The following DCAF5 variants were observed in gnomAD, a reference collection of about 807,000 sequenced individuals.
The protein encoded by DCAF5 is DDB1 and CUL4 associated factor 5, also known as DDB1- and CUL4-associated factor 5.
In DCAF5, 9 loss-of-function variants were observed where a neutral mutation model predicts 80.7. The observed-to-expected ratio is 0.11, with a 90% confidence interval of 0.07 to 0.19. DCAF5 has a LOEUF of 0.19. Ranked by LOEUF, DCAF5 falls within the 10% of genes least tolerant of loss-of-function variation. DCAF5 has a pLI of 1.00. For missense variants in DCAF5, 842 were observed against 1,205.7 expected, an observed-to-expected ratio of 0.70 and a Z score of 4.47; for synonymous variants, 433 against 461.9, an observed-to-expected ratio of 0.94 and a Z score of 0.80.
At chr14:69,097,352 G>T (rs2139989151) in intron 5 of DCAF5, among the ~76,000 whole-genome samples, 1 of 152,174 alleles carries the variant, frequency 6.6e-6, no homozygotes, top group Middle Eastern at 3.4e-3. Flanking sequence ...ATCACCTCTA[G>T]TTGGCAATAA....
intron 1 of DCAF5, among the ~76,000 whole-genome samples, chr14:69,124,468 T>C (rs2040817289): frequency 6.6e-6 from 1 of 152,172 alleles, no homozygotes; most frequent in East Asian, 1.9e-4. Flanking sequence ...AGAAAGAAAT[T>C]GTCTTTGCTA....
At chr14:69,138,962 A>T (rs2041271421) in intron 1 of DCAF5, among the ~76,000 whole-genome samples, 1 of 152,186 alleles carries the variant, frequency 6.6e-6, no homozygotes, top group African/African-American at 2.4e-5. Context: ...CCTGGGCAAC[A>T]TGGTAAGACC....
At chr14:69,102,591 G>GACACACACACACATACACAC (rs1555374295) in intron 5 of DCAF5, among the ~76,000 whole-genome samples, 24 of 124,878 alleles carry the variant, frequency 1.9e-4, no homozygotes, top group African/African-American at 6.5e-4. Flanking sequence ...TAAAAACAAA[G>GACACACACACACATACACAC]ACACACACAC....
At chr14:69,085,370 G>A (rs1260989625) in intron 6 of DCAF5, 14 of 616,840 alleles carry the variant, frequency 2.3e-5, no homozygotes, top group African/African-American at 5.6e-5. Flanking sequence ...ACATCCAACC[G>A]CAGGCAGTTC....
chr14:69,054,215 C>A lies in DCAF5; in HGVS notation c.2471G>T (p.Ser824Ile). 6.2e-7 allele frequency: 1 copy of A among 1,614,244 alleles called. No homozygotes were observed. Among genetic ancestry groups the A allele is most frequent in the Non-Finnish European group, 8.5e-7 (1 of 1,180,050 alleles). The part of the protein sequence containing the change: ...RTQSDDSEER[S>I]LETICANHNN... ...GTGGTTGGCACAGATGGTTTCGAGG[C>A]TCCTCTCCTCACTGTCATCAGACTG... is the stretch of plus-strand genomic sequence containing the variant. The change falls in exon 9 of 9, where the codon AGC becomes ATC. Residue 824 changes from serine to isoleucine, a missense_variant. Physicochemically the swap from Ser to Ile is moderately radical, Grantham distance 142 (BLOSUM62 -2). Coordinates refer to ENST00000341516, the MANE Select transcript of DCAF5 (RefSeq NM_003861.3).
chr14:69,116,237 T>G, intron 5 of DCAF5, 129 bp downstream of exon 5: 1 of 1,128,768 alleles, frequency 8.9e-7, no homozygotes, highest in Non-Finnish European at 1.3e-6. Flanking sequence ...TGAGAGACAC[T>G]ATATATCTTA....
intron 5 of DCAF5, among the ~76,000 whole-genome samples, chr14:69,108,019 GA>G (rs1457111977): frequency 2.0e-5 from 3 of 152,214 alleles, no homozygotes; most frequent in Non-Finnish European, 4.4e-5. Context: ...TGGGCACTGG[GA>G]AGGAAATCAA....
In DCAF5 at chr14:69,119,016, C is replaced by G. The variant is rs1040962079; in HGVS notation, c.395+178G>C. The G allele has an allele frequency of 5.0e-6, 3 of 599,286 alleles. No individual in the cohort carries two copies. In the Admixed American group the frequency reaches 1.1e-4, roughly 22 times the overall value. The allele number at this position is 599,286 out of a possible 1,614,324, so 37.1% of individuals were successfully genotyped here. A position where few individuals can be genotyped will look rare whatever the true frequency, so the allele number is the denominator to read the frequency against. ...TTCAAAACTTTCAAATCCCTTTTTCCTTTTTAAATCAAAACTTTATTTATT... is the reference window on the plus strand; with the variant it reads ...TTCAAAACTTTCAAATCCCTTTTTCGTTTTTAAATCAAAACTTTATTTATT... On this transcript the variant is annotated intron_variant, in intron 3 of 8. Transcript: ENST00000341516.
In DCAF5 at chr14:69,076,100, T is replaced by C. The variant is rs138908553; in HGVS notation, c.880-689A>G. Among the ~76,000 whole-genome samples, 231 of 151,830 alleles carry C rather than the reference T, an allele frequency of 1.5e-3. 1 individual carries two copies. Among genetic ancestry groups the C allele is most frequent in the African/African-American group, 5.1e-3 (212 of 41,330 alleles). Reference sequence around the variant, plus strand: ...ACAATGAAATACTATTTCACACCCATTAGGATGACTATTACCAAAAAAAAA... The same window carrying C: ...ACAATGAAATACTATTTCACACCCACTAGGATGACTATTACCAAAAAAAAA... On this transcript the variant is annotated intron_variant, in intron 6 of 8. Transcript: ENST00000341516.
intron 5 of DCAF5, among the ~76,000 whole-genome samples, chr14:69,110,416 A>C (rs1400880914): frequency 1.3e-5 from 2 of 150,792 alleles, no homozygotes; most frequent in Admixed American, 6.6e-5. Flanking sequence ...CAGGCACACA[A>C]CACCACGCCC....
chr14:69,141,138 TTAAAAAAAA>T (rs1483380338), intron 1 of DCAF5, among the ~76,000 whole-genome samples: 6 of 81,780 alleles, frequency 7.3e-5, no homozygotes, highest in African/African-American at 3.6e-4. Context: ...CATCTCAAAT[TTAAAAAAAA>T]AAAAAAAAAA....
chr14:69,151,645 G>A (rs918881388), intron 1 of DCAF5, among the ~76,000 whole-genome samples: 4 of 151,992 alleles, frequency 2.6e-5, no homozygotes, highest in Admixed American at 2.6e-4. Context: ...TAGCCCTCAC[G>A]TAGGCCCATT....
chr14:69,131,265 T>C (rs1274559446), intron 1 of DCAF5, among the ~76,000 whole-genome samples: 1 of 152,218 alleles, frequency 6.6e-6, no homozygotes, highest in Non-Finnish European at 1.5e-5. Context: ...TCTTTTCTTT[T>C]TTTTTAACTG....
chr14:69,075,433 AG>A, intron 6 of DCAF5, 22 bp from the exon 7 acceptor site: 1 of 1,481,380 alleles, frequency 6.8e-7, no homozygotes, highest in Non-Finnish European at 9.3e-7. Context: ...AAAAATATAT[AG>A]ATAACATTAT....
At chr14:69,140,652 A>G (rs752433540) in intron 1 of DCAF5, among the ~76,000 whole-genome samples, 6 of 152,242 alleles carry the variant, frequency 3.9e-5, no homozygotes, top group Non-Finnish European at 8.8e-5. Context: ...AAAAAGTACA[A>G]GTAAACAGTA....
At chr14:69,119,321 A>C (rs1380888481) in intron 2 of DCAF5, 91 bp from the exon 3 acceptor site, 5 of 1,297,594 alleles carry the variant, frequency 3.9e-6, no homozygotes, top group Non-Finnish European at 5.4e-6. Context: ...TCAGGGAAAA[A>C]ATATGAACAA....
chr14:69,143,276 T>C (rs1015998319), intron 1 of DCAF5, among the ~76,000 whole-genome samples: 3 of 152,168 alleles, frequency 2.0e-5, no homozygotes, highest in Admixed American at 1.3e-4. Flanking sequence ...TAAAAATGCA[T>C]ATAACATTGT....
rs35075766 is a variant in DCAF5 at position 69,105,914 on chromosome 14, CATATATATATATATATATATAT to C, written c.665+10430_665+10451del. ...GAGCCAATTTTCCCTAATAAACTGT[CATATATATATATATATATATAT>C]ATATATATATCTCCTATTGGTTCTG... is the stretch of plus-strand genomic sequence containing the variant. On this transcript the variant is annotated intron_variant, in intron 5 of 8. Coordinates refer to ENST00000341516, the MANE Select transcript of DCAF5 (RefSeq NM_003861.3). Among the ~76,000 whole-genome samples the C allele has an allele frequency of 1.6e-4, 8 of 50,014 alleles. 2 individuals are homozygous for C. In the East Asian group the frequency reaches 0.013, roughly 80 times the overall value. The allele number at this position is 50,014 out of a possible 152,430, so 32.8% of individuals were successfully genotyped here. A position where few individuals can be genotyped will look rare whatever the true frequency, so the allele number is the denominator to read the frequency against.
chr14:69,143,404 C>G (rs2041432026), intron 1 of DCAF5, among the ~76,000 whole-genome samples: 1 of 152,080 alleles, frequency 6.6e-6, no homozygotes, highest in South Asian at 2.1e-4. Flanking sequence ...AGCCTCAGTT[C>G]CCTCATATGT....
Sources: gnomAD v4.1 joint callset for allele counts (sites outside exome capture counted in the v4.1 genomes callset) on GRCh38, gnomAD v4.1.1 for gene constraint, MANE v1.5 for transcripts, NCBI Gene and HGNC (gene_info 2026-07-23, HGNC 2026-07-21) for gene names.